RNF38: variants seen among roughly 807,000 people sequenced by gnomAD.
RNF38 encodes E3 ubiquitin-protein ligase RNF38.
In RNF38, 15 loss-of-function variants were observed where a neutral mutation model predicts 67.2. That is an observed-to-expected ratio of 0.22 (90% CI 0.15 to 0.34). The LOEUF is 0.34. Among genes scored for constraint, RNF38 ranks in the 10% least tolerant of loss-of-function variants. The pLI is 1.00. For synonymous variants in RNF38, 220 were observed against 218.8 expected, an observed-to-expected ratio of 1.01 and a Z score of -0.05; for missense variants, 524 against 639.9, an observed-to-expected ratio of 0.82 and a Z score of 1.95.
chr9:36,437,266 T>C (rs1294252839), intron 1 of RNF38, among the ~76,000 whole-genome samples: 1 of 152,240 alleles, frequency 6.6e-6, no homozygotes, highest in African/African-American at 2.4e-5. Flanking sequence ...TGTCTCAACA[T>C]ATCTTACAAT....
upstream of RNF38, among the ~76,000 whole-genome samples, chr9:36,405,743 A>G (rs1236431182): frequency 7.0e-6 from 1 of 142,410 alleles, no homozygotes; most frequent in Non-Finnish European, 1.6e-5. Flanking sequence ...GGATATATAT[A>G]TAAGAAAGAT....
At chr9:36,343,009 C>T (rs1439845842) in intron 10 of RNF38, among the ~76,000 whole-genome samples, 1 of 152,144 alleles carries the variant, frequency 6.6e-6, no homozygotes, top group Non-Finnish European at 1.5e-5. Context: ...GTATTTGTGA[C>T]CTATGCACAC....
At chr9:36,464,919 CA>C (rs1839824907) in intron 1 of RNF38, among the ~76,000 whole-genome samples, 1 of 152,074 alleles carries the variant, frequency 6.6e-6, no homozygotes, top group South Asian at 2.1e-4. Flanking sequence ...TATGAGGACT[CA>C]AAAAGATACT....
intron 1 of RNF38, among the ~76,000 whole-genome samples, chr9:36,442,637 G>A (rs912419014): frequency 2.5e-4 from 38 of 152,094 alleles, no homozygotes; most frequent in Admixed American, 1.6e-3. Flanking sequence ...AAAATTAGCC[G>A]GGTGTGGTGG....
intron 1 of RNF38, among the ~76,000 whole-genome samples, chr9:36,456,025 G>A (rs997593882): frequency 2.0e-5 from 3 of 152,088 alleles, no homozygotes; most frequent in Non-Finnish European, 4.4e-5. Context: ...AGCATCAGAG[G>A]GAGTAAGAAG....
intron 4 of RNF38, among the ~76,000 whole-genome samples, chr9:36,360,454 AT>A (rs1382839319): frequency 6.6e-6 from 1 of 152,138 alleles, no homozygotes; most frequent in Non-Finnish European, 1.5e-5. Flanking sequence ...AGCATTTTGG[AT>A]TTTTTGGAAT....
At chr9:36,461,408 G>C (rs966283242) in intron 1 of RNF38, among the ~76,000 whole-genome samples, 1 of 152,182 alleles carries the variant, frequency 6.6e-6, no homozygotes, top group Non-Finnish European at 1.5e-5. Flanking sequence ...TCAGGGATGA[G>C]AAGGAGCTGA....
upstream of RNF38, among the ~76,000 whole-genome samples, chr9:36,404,949 A>G (rs1838143494): frequency 1.3e-5 from 2 of 151,826 alleles, no homozygotes; most frequent in Admixed American, 6.6e-5. Flanking sequence ...AAATTAAAGG[A>G]GTTCTCTGCC....
At chr9:36,405,242 G>T (rs768337308), upstream of RNF38, among the ~76,000 whole-genome samples, 2 of 150,960 alleles carry the variant, frequency 1.3e-5, no homozygotes, top group Non-Finnish European at 1.5e-5. Flanking sequence ...ACTGCAGCCT[G>T]GGCAACAGAG....
At chr9:36,446,501 T>C (rs1310456148) in intron 1 of RNF38, among the ~76,000 whole-genome samples, 1 of 152,156 alleles carries the variant, frequency 6.6e-6, no homozygotes, top group Non-Finnish European at 1.5e-5. Context: ...CTGAAAACAC[T>C]TTATTAAGTT....
At chr9:36,435,508 A>G (rs1839041560) in intron 1 of RNF38, among the ~76,000 whole-genome samples, 1 of 152,240 alleles carries the variant, frequency 6.6e-6, no homozygotes, top group Admixed American at 6.5e-5. Flanking sequence ...AGTTGTTTGA[A>G]TAACAGGCAT....
intron 1 of RNF38, among the ~76,000 whole-genome samples, chr9:36,486,111 C>T (rs1840404560): frequency 6.6e-6 from 1 of 152,136 alleles, no homozygotes; most frequent in Admixed American, 6.6e-5. Flanking sequence ...CTTTCATCTC[C>T]CTTCCCCCAC....
intron 3 of RNF38, among the ~76,000 whole-genome samples, chr9:36,372,329 A>C (rs1358427470): frequency 6.6e-6 from 1 of 152,046 alleles, no homozygotes; most frequent in East Asian, 1.9e-4. Flanking sequence ...CTTACATCTC[A>C]CATGTACTCT....
rs541444427 is a variant in RNF38, at chr9:36,422,780, T to A, written n.312+1833A>T. ...ATTCCTTAAACTTCTCTTCCCTTTT[T>A]TCCCCCATATTTCCAGAAAAATCTC... On this transcript the variant is annotated intron_variant and non_coding_transcript_variant, in intron 2 of 3. Coordinates refer to the RNF38 transcript ENST00000488058. Among the ~76,000 whole-genome samples the A allele has an allele frequency of 2.3e-4, 35 of 152,298 alleles. 1 individual carries two copies. In the South Asian group the frequency reaches 7.2e-3, roughly 32 times the overall value.
At chr9:36,394,377 A>C (rs1296969963) in intron 1 of RNF38, among the ~76,000 whole-genome samples, 1 of 152,242 alleles carries the variant, frequency 6.6e-6, no homozygotes, top group African/African-American at 2.4e-5. Flanking sequence ...AATTGTAAGG[A>C]AATATTTGTG....
intron 1 of RNF38, among the ~76,000 whole-genome samples, chr9:36,440,077 C>T (rs1839160292): frequency 6.6e-6 from 1 of 152,088 alleles, no homozygotes; most frequent in South Asian, 2.1e-4. Flanking sequence ...GAAACCCTGT[C>T]TCTACTAAAA....
At chr9:36,431,291 T>C (rs1318031294) in intron 1 of RNF38, among the ~76,000 whole-genome samples, 5 of 152,208 alleles carry the variant, frequency 3.3e-5, no homozygotes, top group Non-Finnish European at 7.3e-5. Flanking sequence ...ATGGTATACT[T>C]AGACAACAGG....
At chr9:36,458,504 C>T (rs372986840) in intron 1 of RNF38, among the ~76,000 whole-genome samples, 5 of 152,310 alleles carry the variant, frequency 3.3e-5, no homozygotes, top group African/African-American at 1.2e-4. Flanking sequence ...CAAGCGTCCG[C>T]GGCTTCATTC....
At chr9:36,349,663 A>G (rs10758371) in intron 9 of RNF38, among the ~76,000 whole-genome samples, 144,999 of 152,276 alleles carry the variant, frequency 0.95, 69,411 homozygotes, top group East Asian at 1. Flanking sequence ...TTTGTTGCCT[A>G]TGCTTGTGGT....
Sources: gnomAD v4.1 joint callset for allele counts (sites outside exome capture counted in the v4.1 genomes callset) on GRCh38, gnomAD v4.1.1 for gene constraint, MANE v1.5 for transcripts, NCBI Gene and HGNC (gene_info 2026-07-23, HGNC 2026-07-21) for gene names.